Variants in MED12L observed in about 807,000 individuals in gnomAD.
The protein encoded by MED12L is mediator complex subunit 12L.
A neutral mutation model predicts 281.3 loss-of-function variants in MED12L; 60 were observed. The ratio of observed to expected loss-of-function variants is 0.21; its 90% CI spans 0.17 to 0.26. MED12L has a LOEUF of 0.26. Among genes scored for constraint, MED12L ranks in the 10% least tolerant of loss-of-function variants. MED12L has a pLI of 1.00. For synonymous variants in MED12L, 974 were observed against 987.2 expected (o/e 0.99, Z 0.25); for missense variants, 2,146 against 2,680.9 (o/e 0.80, Z 4.41).
At chr3:151,134,875 G>A (rs1715910180) in intron 5 of MED12L, among the ~76,000 whole-genome samples, 1 of 152,170 alleles carries the variant, frequency 6.6e-6, no homozygotes. Flanking sequence ...CTGAAAGCCT[G>A]TGTGAAGGTT....
chr3:151,201,764 CTTT>C (rs2149155861), intron 16 of MED12L, among the ~76,000 whole-genome samples: 1 of 152,300 alleles, frequency 6.6e-6, no homozygotes, highest in Admixed American at 6.5e-5. Flanking sequence ...TACTTTTCTT[CTTT>C]ATGTGAAAAA....
chr3:151,323,246 C>G (rs561706122), intron 16 of MED12L, among the ~76,000 whole-genome samples: 5 of 152,172 alleles, frequency 3.3e-5, no homozygotes, highest in Non-Finnish European at 7.3e-5. Flanking sequence ...TCATTCTTGC[C>G]TGCATACATG....
chr3:151,158,446 A>T lies in MED12L; in HGVS notation c.727-243A>T, dbSNP rs537771893. Among the ~76,000 whole-genome samples the T allele has an allele frequency of 7.0e-4, 104 of 149,216 alleles. 1 individual carries two copies. The highest frequency in any genetic ancestry group is 2.3e-3 in the African/African-American group (92 of 40,872). On this transcript the variant is annotated intron_variant, in intron 6 of 44. Transcript: ENST00000687756. ...CACTGGGGGTGTGAAAGCTTCTGAA[A>T]TTTTTTTTTTTCATTGTTGGAATGA...
At chr3:151,413,389 T>A in intron 42 of MED12L, 94 bp downstream of exon 42, 2 of 1,415,770 alleles carry the variant, frequency 1.4e-6, no homozygotes. Flanking sequence ...TAGTTGTCAA[T>A]TGCCAGATTC....
intron 16 of MED12L, among the ~76,000 whole-genome samples, chr3:151,344,475 T>A (rs1577385801): frequency 1.3e-5 from 2 of 152,256 alleles, no homozygotes; most frequent in South Asian, 4.1e-4. Flanking sequence ...AAAGAAATAG[T>A]GTTTTAAGGC....
chr3:151,343,614 T>C (rs995014182), intron 16 of MED12L, among the ~76,000 whole-genome samples: 6 of 148,952 alleles, frequency 4.0e-5, no homozygotes, highest in African/African-American at 1.2e-4. Context: ...AATCTCTCAT[T>C]AGTAAATAAC....
In MED12L at chr3:151,376,069, G is replaced by T; in HGVS notation, c.3908G>T (p.Cys1303Phe). ...EHCLKEPERL[C>F]TDKELILDPV... ...TGCTTAAAAGAACCTGAAAGATTAT[G>T]TACAGACAAAGAACTTATATTGGAC... Residue 1303 changes from cysteine to phenylalanine, a missense_variant, in exon 28 of 45, where the codon TGT (cysteine) becomes TTT (phenylalanine). Cys to Phe is a radical substitution (Grantham distance 205). This residue lies in a region of MED12L where 235 missense variants were observed against 260.3 expected (regional missense o/e 0.90). Coordinates refer to ENST00000687756, the MANE Select transcript of MED12L (RefSeq NM_001393769.1). The T allele has an allele frequency of 6.2e-7, 1 of 1,605,972 alleles. No homozygotes were observed. The highest frequency in any genetic ancestry group is 8.5e-7 in the Non-Finnish European group (1 of 1,177,294).
chr3:151,142,834 TAAAA>T (rs1717248674), intron 5 of MED12L, among the ~76,000 whole-genome samples: 1 of 151,990 alleles, frequency 6.6e-6, no homozygotes, highest in Admixed American at 6.6e-5. Flanking sequence ...TTTTTTTAAT[TAAAA>T]AGAAGTACAT....
intron 12 of MED12L, 47 bp downstream of exon 12, chr3:151,185,508 T>C: frequency 6.2e-7 from 1 of 1,606,140 alleles, no homozygotes; most frequent in Non-Finnish European, 8.5e-7. Context: ...AATGTAAAAA[T>C]ACTGTTTTGG....
chr3:151,193,717 C>T, intron 16 of MED12L, 51 bp downstream of exon 16: 2 of 1,449,774 alleles, frequency 1.4e-6, no homozygotes, highest in South Asian at 2.4e-5. Context: ...ATTATAAGAT[C>T]AATAACTGTT....
intron 11 of MED12L, among the ~76,000 whole-genome samples, chr3:151,174,456 T>C (rs1721802224): frequency 6.6e-6 from 1 of 150,634 alleles, no homozygotes; most frequent in African/African-American, 2.5e-5. Flanking sequence ...ATTTAAATAC[T>C]CAGAGAGGAT....
chr3:151,117,626 G>A (rs561310783), intron 3 of MED12L, among the ~76,000 whole-genome samples: 21 of 152,044 alleles, frequency 1.4e-4, no homozygotes, highest in African/African-American at 4.6e-4. Context: ...AAAAGTTCCA[G>A]AATAAAATAC....
chr3:151,146,515 G>A (rs1384917096), intron 5 of MED12L, among the ~76,000 whole-genome samples: 1 of 152,090 alleles, frequency 6.6e-6, no homozygotes. Flanking sequence ...TAGGCATTTA[G>A]TGTTTGCTGC....
rs112941229 is a variant in MED12L at position 151,118,022 on chromosome 3, C to T, written c.204+1580C>T. Among the ~76,000 whole-genome samples, 607 of 143,068 alleles carry T rather than the reference C, an allele frequency of 4.2e-3. 3 individuals carry two copies. Among genetic ancestry groups the T allele is most frequent in the African/African-American group, 0.014 (527 of 37,700 alleles). The allele number at this position is 143,068 out of a possible 152,430, so 93.9% of individuals were successfully genotyped here. On this transcript the variant is annotated intron_variant, in intron 3 of 44. Transcript: ENST00000687756. ...AGGAGAATTGCTTGAACCCAGGAGG[C>T]GGAGGTTGCAGTGAGCCGAGATTGC...
intron 16 of MED12L, among the ~76,000 whole-genome samples, chr3:151,309,011 C>T (rs1269245287): frequency 6.6e-6 from 1 of 151,798 alleles, no homozygotes; most frequent in Non-Finnish European, 1.5e-5. Context: ...CAGCATCAAA[C>T]GTTCACTCTC....
In MED12L at chr3:151,433,521, A is replaced by T. The variant is rs1033285078; in HGVS notation, c.*717A>T. The stretch of plus-strand genomic sequence containing the variant: ...GCGGAAACCTGTTAGAAGTAGCTGT[A>T]CTCAAATTTGTTTTGAGGCAAGATC... On this transcript the variant is annotated 3_prime_UTR_variant, in exon 45 of 45. Coordinates refer to ENST00000687756, the MANE Select transcript of MED12L (RefSeq NM_001393769.1). The T allele has an allele frequency of 4.6e-5, 7 of 152,546 alleles. No individual in the cohort carries two copies. Among genetic ancestry groups the T allele is most frequent in the Admixed American group, 4.6e-4 (7 of 15,282 alleles). The allele number at this position is 152,546 out of a possible 1,614,324, so 9.4% of individuals were successfully genotyped here. A position where few individuals can be genotyped will look rare whatever the true frequency, so the allele number is the denominator to read the frequency against.
At chr3:151,418,864 C>T (rs951371496) in intron 43 of MED12L, among the ~76,000 whole-genome samples, 5 of 151,734 alleles carry the variant, frequency 3.3e-5, no homozygotes, top group Non-Finnish European at 7.4e-5. Flanking sequence ...ATTTTTAATT[C>T]TTTTAATTAT....
chr3:151,301,210 A>C (rs1339336747), intron 16 of MED12L, among the ~76,000 whole-genome samples: 2 of 152,168 alleles, frequency 1.3e-5, no homozygotes, highest in African/African-American at 4.8e-5. Context: ...CTTTCTTTTT[A>C]TTTATTAAAG....
At chr3:151,164,840 C>T (rs528812262) in intron 9 of MED12L, among the ~76,000 whole-genome samples, 13 of 148,172 alleles carry the variant, frequency 8.8e-5, no homozygotes, top group East Asian at 4.2e-4. Context: ...CATCACACAC[C>T]GGGGCCTGTT....
Sources: allele counts gnomAD v4.1 joint callset (sites outside exome capture counted in the v4.1 genomes callset), GRCh38; gene constraint gnomAD v4.1.1; regional missense constraint gnomAD v4.1.1; transcripts MANE v1.5; gene names NCBI Gene and HGNC (gene_info 2026-07-23, HGNC 2026-07-21).